Variants in SEC16A observed in about 807,000 individuals in gnomAD.
SEC16A encodes SEC16 homolog A, endoplasmic reticulum export factor.
SEC16A carries 110 observed loss-of-function variants against 221.9 expected under a neutral mutation model. The ratio of observed to expected loss-of-function variants is 0.50; its 90% CI spans 0.42 to 0.58. The LOEUF is 0.58. Among genes scored for constraint, SEC16A ranks in the 20% least tolerant of loss-of-function variants. The pLI is 0.00. For synonymous variants in SEC16A, 1,393 were observed against 1,257.7 expected (o/e 1.11, Z -2.28); for missense variants, 3,165 against 3,097.8 (o/e 1.02, Z -0.52).
chr9:136,474,357 G>A lies in SEC16A; in HGVS notation c.3259C>T (p.Leu1087=), dbSNP rs765461460. 1.2e-6 allele frequency: 2 copies of A among 1,612,708 alleles called. No homozygotes were observed. Among genetic ancestry groups the A allele is most frequent in the Non-Finnish European group, 1.7e-6 (2 of 1,179,834 alleles). Residue 1087 remains leucine, a synonymous_variant, in exon 3 of 32, where the codon CTG becomes TTG. Transcript: ENST00000684901. ...MFSELSNPES[L]PAQGQAQNSA... ...TTCTGGGCCTGTCCCTGTGCGGGCA[G>A]ACTTTCTGGATTTGACAGCTCCGAA...
At chr9:136,482,870 G>C in intron 1 of SEC16A, 68 bp downstream of exon 1, 1 of 629,504 alleles carries the variant, frequency 1.6e-6, no homozygotes, top group Non-Finnish European at 2.0e-6. Flanking sequence ...TCCACGGCCT[G>C]GCTCCGCCGG....
In SEC16A at chr9:136,471,965, G is replaced by A. The variant is rs760552591; in HGVS notation, c.3704+10C>T. The stretch of plus-strand genomic sequence containing the variant: ...GGACAGAGAGGCAGCCAGGGTGGGC[G>A]CGGCCGCACCTGGGAGGTGGCCGTT... On this transcript the variant is annotated intron_variant, in intron 4 of 31. Transcript: ENST00000684901. 25 of 1,610,352 alleles carry A rather than the reference G, an allele frequency of 1.6e-5. No individual in the cohort carries two copies. In the East Asian group the frequency reaches 3.6e-4, roughly 23 times the overall value.
chr9:136,475,177 A>G lies in SEC16A; in HGVS notation c.2439T>C (p.Ser813=). Residue 813 remains serine, a synonymous_variant, in exon 3 of 32, where the codon AGT becomes AGC. Coordinates refer to ENST00000684901, the MANE Select transcript of SEC16A (RefSeq NM_014866.2). This position sits in a 1 kb window ranked among gnomAD's most constrained non-coding sequence, Gnocchi z 5.0. The part of the protein sequence containing the change: ...LQSQASSGYA[S]LLSSPPTESL... ...ACTCAGTGGGCGGTGAGGATAATAAACTTGCATAACCAGAACTCGCCTGGG... is the reference window on the plus strand; with the variant it reads ...ACTCAGTGGGCGGTGAGGATAATAAGCTTGCATAACCAGAACTCGCCTGGG... The G allele has an allele frequency of 1.2e-6, 2 of 1,613,830 alleles. No individual in the cohort carries two copies. The highest frequency in any genetic ancestry group is 4.5e-5 in the East Asian group (2 of 44,888).
Position 136,463,022 on chromosome 9 carries a change from T to C in SEC16A, c.4758A>G (p.Ala1586=), listed in dbSNP as rs756314092. 8.7e-6 allele frequency: 14 copies of C among 1,612,124 alleles called. No individual in the cohort carries two copies. The highest frequency in any genetic ancestry group is 1.2e-5 in the Non-Finnish European group (14 of 1,179,892). ...ACTCCTCCTCTTCCACCTGCTCCAC[T>C]GCCTCATTCGTGAAATCAATCAGGT... ...EANLIDFTNE[A]VEQVEEEESG... is the part of the protein sequence containing the mutation. The change falls in exon 12 of 32, where the codon GCA becomes GCG. Residue 1586 remains alanine, a synonymous_variant. Coordinates refer to ENST00000684901, the MANE Select transcript of SEC16A (RefSeq NM_014866.2).
In SEC16A at chr9:136,455,680, C is replaced by A; in HGVS notation, c.5778G>T (p.Leu1926=). 6.3e-7 allele frequency: 1 copy of A among 1,594,212 alleles called. No individual in the cohort carries two copies. Among genetic ancestry groups the A allele is most frequent in the East Asian group, 2.3e-5 (1 of 43,774 alleles). Residue 1926 remains leucine, a synonymous_variant, in exon 20 of 32, where the codon CTG becomes CTT. Transcript: ENST00000684901. ...DRPGLSQPGA[L]GIANPLLAVP... ...CCGCCAGCAGAGGGTTGGCGATCCC[C>A]AGGGCTCCTGGCTGACTGAGTCCTG...
chr9:136,466,442 T>A lies in SEC16A; in HGVS notation c.3950A>T (p.Asn1317Ile). The change falls in exon 7 of 32, where the codon AAC becomes ATC. Residue 1317 changes from asparagine (N) to isoleucine (I), a missense_variant. By Grantham distance (149) the Asn-to-Ile change is moderately radical (BLOSUM62 -3). Transcript: ENST00000684901. The surrounding 1 kb of genome is among the most constrained non-coding windows in gnomAD (Gnocchi z 5.5). Reference sequence around the variant, plus strand: ...CGTGAAGCGAGGATCGTACCTCCAGTTGTTGTCACGTTTCTCGGGCCTAGA... The same window carrying A: ...CGTGAAGCGAGGATCGTACCTCCAGATGTTGTCACGTTTCTCGGGCCTAGA... Reference protein sequence around the residue: ...FGDRPEKRDNNWRYDPRFTGS... With the variant: ...FGDRPEKRDNIWRYDPRFTGS... 1.2e-6 allele frequency: 2 copies of A among 1,606,774 alleles called. No homozygotes were observed. The highest frequency in any genetic ancestry group is 1.7e-4 in the Middle Eastern group (1 of 6,046).
intron 28 of SEC16A, 133 bp from the exon 29 acceptor site, chr9:136,445,852 GAA>G: frequency 2.6e-6 from 2 of 774,712 alleles, no homozygotes; most frequent in South Asian, 3.2e-5. Flanking sequence ...TCCTCAGAGA[GAA>G]GTGAAAAGTG....
In SEC16A at chr9:136,468,477, C is replaced by T. The variant is rs776242531; in HGVS notation, c.3740G>A (p.Ser1247Asn). 11 of 1,613,152 alleles carry T rather than the reference C, an allele frequency of 6.8e-6. No individual in the cohort carries two copies. The highest frequency in any genetic ancestry group is 8.5e-6 in the Non-Finnish European group (10 of 1,179,232). The change falls in exon 5 of 32, where the codon AGT (serine) becomes AAT (asparagine). Residue 1247 changes from serine to asparagine, a missense_variant. By Grantham distance (46) the Ser-to-Asn change is conservative. This residue lies in a region of SEC16A where 2,030 missense variants were observed against 1,923.1 expected (regional missense o/e 1.06). Coordinates refer to ENST00000684901, the MANE Select transcript of SEC16A (RefSeq NM_014866.2). ...GYPEGYYSSK[S>N]GWSSQSDYYA... The stretch of plus-strand genomic sequence containing the variant: ...GTAATCGCTCTGACTGCTCCATCCA[C>T]TTTTGGAACTATAGTATCCTTCAGG...
chr9:136,461,072 C>T (rs1839408828), intron 13 of SEC16A, 105 bp downstream of exon 13: 2 of 838,440 alleles, frequency 2.4e-6, no homozygotes, highest in South Asian at 1.4e-5. Context: ...GAGCACAGCA[C>T]AGTCAAGTGA....
chr9:136,451,478 CA>C, intron 22 of SEC16A, 70 bp from the exon 23 acceptor site: 1 of 1,470,938 alleles, frequency 6.8e-7, no homozygotes, highest in Non-Finnish European at 9.1e-7. Flanking sequence ...GAGGGGGATG[CA>C]ATTCCCCAGG....
chr9:136,472,234 C>A (rs1183619804), intron 3 of SEC16A, 123 bp from the exon 4 acceptor site: 2 of 1,113,454 alleles, frequency 1.8e-6, no homozygotes. Context: ...AGAGCAAGCT[C>A]GTCCAACAAC....
chr9:136,478,402 C>CA (rs34093106), intron 2 of SEC16A, among the ~76,000 whole-genome samples: 29,025 of 94,916 alleles, frequency 0.31, 3,593 homozygotes, highest in Non-Finnish European at 0.35. Flanking sequence ...GTCCCTAGCT[C>CA]AAAAAAAAAA....
intron 21 of SEC16A, among the ~76,000 whole-genome samples, chr9:136,453,851 G>A (rs1007793175): frequency 1.3e-5 from 2 of 152,150 alleles, no homozygotes; most frequent in Admixed American, 6.5e-5. Flanking sequence ...GAGACCCATG[G>A]CCACCATGCC....
chr9:136,459,097 C>T lies in SEC16A; in HGVS notation c.5409+37G>A, dbSNP rs780921817. The T allele has an allele frequency of 2.1e-5, 31 of 1,495,542 alleles. No individual in the cohort carries two copies. Among genetic ancestry groups the T allele is most frequent in the Non-Finnish European group, 2.8e-5 (30 of 1,089,008 alleles). The allele number at this position is 1,495,542 out of a possible 1,614,324, so 92.6% of individuals were successfully genotyped here. A position where few individuals can be genotyped will look rare whatever the true frequency, so the allele number is the denominator to read the frequency against. On this transcript the variant is annotated intron_variant, in intron 17 of 31. Coordinates refer to ENST00000684901, the MANE Select transcript of SEC16A (RefSeq NM_014866.2). The surrounding 1 kb of genome is among the most constrained non-coding windows in gnomAD (Gnocchi z 6.1). Reference sequence around the variant, plus strand: ...AGCTTGTTAGCACTGAGTGCCTGCCCAGCCATGACAGCTGCAGGCTGGCAG... The same window carrying T: ...AGCTTGTTAGCACTGAGTGCCTGCCTAGCCATGACAGCTGCAGGCTGGCAG...
chr9:136,462,929 C>T lies in SEC16A; in HGVS notation c.4851G>A (p.Glu1617=), dbSNP rs1293221111. 2 of 1,604,010 alleles carry T rather than the reference C, an allele frequency of 1.2e-6. No homozygotes were observed. The highest frequency in any genetic ancestry group is 2.2e-5 in the South Asian group (2 of 91,082). The change falls in exon 12 of 32, where the codon GAG becomes GAA. Residue 1617 remains glutamate (E), a synonymous_variant. Transcript: ENST00000684901. The stretch of plus-strand genomic sequence containing the variant: ...GCAACAGCTCCCTGAACCTCTCGGT[C>T]TCTCTCTCGAGCGAGCTGGCGGCAG... ...PAAAASSLER[E]TERFRELLLY...
intron 20 of SEC16A, 76 bp from the exon 21 acceptor site, chr9:136,454,403 C>T (rs534428983): frequency 3.6e-5 from 48 of 1,315,878 alleles, no homozygotes; most frequent in Non-Finnish European, 4.5e-5. Context: ...TGACACTCGA[C>T]GTGTTTATGA....
Position 136,457,681 on chromosome 9 carries a change from G to C in SEC16A, c.5410-97C>G. ...ACTGCCCTGAGGCTCCCCTGCATCC[G>C]AGCATCGCCCTGTGAGCTGTGAACT... is the stretch of plus-strand genomic sequence containing the variant. On this transcript the variant is annotated intron_variant, in intron 17 of 31. Transcript: ENST00000684901. 3 of 1,428,168 alleles carry C rather than the reference G, an allele frequency of 2.1e-6. No individual in the cohort carries two copies. In the South Asian group the frequency reaches 4.1e-5, roughly 19 times the overall value. The allele number at this position is 1,428,168 out of a possible 1,614,324, so 88.5% of individuals were successfully genotyped here.
chr9:136,454,033 A>G (rs374244182), intron 21 of SEC16A, 76 bp downstream of exon 21: 4 of 1,327,572 alleles, frequency 3.0e-6, no homozygotes, highest in South Asian at 1.3e-5. Flanking sequence ...AATAACTTCA[A>G]TCTCTTCCAC....
In SEC16A at chr9:136,452,579, A is replaced by T. The variant is rs182183335; in HGVS notation, c.6159+849T>A. The stretch of plus-strand genomic sequence containing the variant: ...CAGGAGTTCGAGACTAGCCTGGCCA[A>T]CATGGCGAAACCCTGTCTCTACCAA... On this transcript the variant is annotated intron_variant, in intron 22 of 31. Transcript: ENST00000684901. 7.3e-3 allele frequency among the ~76,000 whole-genome samples: 1,098 copies of T among 151,392 alleles called. 3 individuals carry two copies. The highest frequency in any genetic ancestry group is 0.011 in the Non-Finnish European group (739 of 67,838).
Sources: allele counts gnomAD v4.1 joint callset (sites outside exome capture counted in the v4.1 genomes callset), GRCh38; gene constraint gnomAD v4.1.1; regional missense constraint gnomAD v4.1.1; non-coding constraint Gnocchi (gnomAD v3.1); transcripts MANE v1.5; gene names NCBI Gene and HGNC (gene_info 2026-07-23, HGNC 2026-07-21).